Variants in B3GALT1 observed in about 807,000 individuals in gnomAD.
The protein encoded by B3GALT1 is UDP-Gal:betaGlcNAc beta 1,3-galactosyltransferase, polypeptide 1.
A neutral mutation model predicts 23.2 loss-of-function variants in B3GALT1; 10 were observed. The observed-to-expected ratio is 0.43, with a 90% CI of 0.27 to 0.73. The LOEUF is 0.73. Ranked by LOEUF, B3GALT1 falls within the 30% of genes least tolerant of loss-of-function variation. B3GALT1 has a pLI of 0.21. For missense variants in B3GALT1, 299 were observed against 405.4 expected (o/e 0.74, Z 2.25); for synonymous variants, 156 against 141.5 (o/e 1.10, Z -0.73).
At chr2:167,350,047 T>C (rs1171160425) in intron 1 of B3GALT1, among the ~76,000 whole-genome samples, 1 of 152,214 alleles carries the variant, frequency 6.6e-6, no homozygotes, top group Non-Finnish European at 1.5e-5. Flanking sequence ...TTCTTATTTG[T>C]AATAACCAAT....
intron 3 of B3GALT1, among the ~76,000 whole-genome samples, chr2:167,675,855 G>A (rs571488452): frequency 6.6e-6 from 1 of 151,358 alleles, no homozygotes; most frequent in African/African-American, 2.4e-5. Context: ...ATGCAGGATC[G>A]AGGAATATTC....
At chr2:167,867,761 C>T (rs1690262741) in intron 4 of B3GALT1, among the ~76,000 whole-genome samples, 1 of 152,118 alleles carries the variant, frequency 6.6e-6, no homozygotes, top group Non-Finnish European at 1.5e-5. Context: ...TCTGCCCTAA[C>T]GAGACAGGAA....
chr2:167,652,505 G>A (rs1051485432), intron 3 of B3GALT1, among the ~76,000 whole-genome samples: 2 of 152,168 alleles, frequency 1.3e-5, no homozygotes, highest in African/African-American at 2.4e-5. Flanking sequence ...TTATTCTGAA[G>A]TATGTGTTCA....
At chr2:167,308,308 G>A (rs1696580378) in intron 1 of B3GALT1, among the ~76,000 whole-genome samples, 1 of 151,918 alleles carries the variant, frequency 6.6e-6, no homozygotes. Context: ...TTGTTTATTA[G>A]TTTTTGAAGT....
At chr2:167,588,948 T>G (rs542045267) in intron 2 of B3GALT1, among the ~76,000 whole-genome samples, 1 of 139,046 alleles carries the variant, frequency 7.2e-6, no homozygotes, top group Non-Finnish European at 1.6e-5. Flanking sequence ...CCTTCTTCCC[T>G]CCTTGTTTTT....
At chr2:167,447,829 C>T (rs1699024864) in intron 1 of B3GALT1, among the ~76,000 whole-genome samples, 1 of 152,102 alleles carries the variant, frequency 6.6e-6, no homozygotes, top group Non-Finnish European at 1.5e-5. Flanking sequence ...CGATGCCTCA[C>T]CCCACTTCGG....
chr2:167,573,799 C>A (rs1296210054), intron 2 of B3GALT1, among the ~76,000 whole-genome samples: 2 of 151,492 alleles, frequency 1.3e-5, no homozygotes, highest in Non-Finnish European at 3.0e-5. Flanking sequence ...CTTAGCATGA[C>A]AATTGGCTTA....
intron 1 of B3GALT1, among the ~76,000 whole-genome samples, chr2:167,378,013 T>A (rs1311454014): frequency 6.6e-6 from 1 of 152,206 alleles, no homozygotes; most frequent in Non-Finnish European, 1.5e-5. Flanking sequence ...AAGGCCAGTA[T>A]GTTGGTAATA....
intron 2 of B3GALT1, among the ~76,000 whole-genome samples, chr2:167,498,848 ACT>A (rs1699810998): frequency 6.6e-6 from 1 of 151,940 alleles, no homozygotes; most frequent in African/African-American, 2.4e-5. Flanking sequence ...GAAAGGACCC[ACT>A]CTCAGTCTTT....
At chr2:167,396,267 T>C (rs1037661665) in intron 1 of B3GALT1, among the ~76,000 whole-genome samples, 3 of 152,100 alleles carry the variant, frequency 2.0e-5, no homozygotes, top group Non-Finnish European at 4.4e-5. Context: ...TCCAAAAGTT[T>C]TTTCATCTTA....
At chr2:167,308,317 G>A (rs1320051282) in intron 1 of B3GALT1, among the ~76,000 whole-genome samples, 1 of 151,948 alleles carries the variant, frequency 6.6e-6, no homozygotes, top group Non-Finnish European at 1.5e-5. Flanking sequence ...AGTTTTTGAA[G>A]TAGAATGGTA....
chr2:167,722,734 A>G (rs930575540), intron 3 of B3GALT1, among the ~76,000 whole-genome samples: 1 of 152,232 alleles, frequency 6.6e-6, no homozygotes, highest in Non-Finnish European at 1.5e-5. Context: ...GCTTTAGGAA[A>G]GATTTGTTTA....
chr2:167,528,468 C>G (rs1262300111), intron 2 of B3GALT1, among the ~76,000 whole-genome samples: 1 of 152,148 alleles, frequency 6.6e-6, no homozygotes. Flanking sequence ...AAAGCACTTT[C>G]CATGACTAGT....
chr2:167,497,514 A>G (rs1699797620), intron 2 of B3GALT1, among the ~76,000 whole-genome samples: 1 of 152,176 alleles, frequency 6.6e-6, no homozygotes, highest in Admixed American at 6.6e-5. Flanking sequence ...TTTCTGGGAA[A>G]GGATGTTCCT....
At chr2:167,574,069 T>A (rs1684342690) in intron 2 of B3GALT1, among the ~76,000 whole-genome samples, 1 of 151,686 alleles carries the variant, frequency 6.6e-6, no homozygotes, top group Non-Finnish European at 1.5e-5. Flanking sequence ...ACTTTCAAAA[T>A]TATTTTGTTT....
chr2:167,591,269 T>C (rs981782909), intron 2 of B3GALT1, among the ~76,000 whole-genome samples: 1 of 151,902 alleles, frequency 6.6e-6, no homozygotes, highest in Non-Finnish European at 1.5e-5. Flanking sequence ...TCAAAAGTCA[T>C]GATCTGGGGG....
At chr2:167,599,831 C>A (rs962197244) in intron 2 of B3GALT1, among the ~76,000 whole-genome samples, 6 of 152,026 alleles carry the variant, frequency 3.9e-5, no homozygotes. Flanking sequence ...TTTTCCATTT[C>A]TGACAGATTA....
intron 1 of B3GALT1, among the ~76,000 whole-genome samples, chr2:167,436,122 A>G (rs577293297): frequency 6.6e-6 from 1 of 152,202 alleles, no homozygotes; most frequent in East Asian, 1.9e-4. Context: ...TTTGAAAACA[A>G]CTCATGTAAC....
intron 2 of B3GALT1, among the ~76,000 whole-genome samples, chr2:167,514,947 CTACTA>C (rs1700078655): frequency 6.6e-6 from 1 of 151,826 alleles, no homozygotes; most frequent in East Asian, 1.9e-4. Flanking sequence ...TAAATATAAA[CTACTA>C]TAATTTGTTA....
Sources: gnomAD v4.1 joint callset for allele counts (sites outside exome capture counted in the v4.1 genomes callset) on GRCh38, gnomAD v4.1.1 for gene constraint, MANE v1.5 for transcripts, NCBI Gene and HGNC (gene_info 2026-07-23, HGNC 2026-07-21) for gene names.